The following CSMD1 variants were observed in gnomAD, a reference collection of about 807,000 sequenced individuals.
CSMD1 encodes CUB and sushi domain-containing protein 1.
CSMD1 carries 213 observed loss-of-function variants against 417.5 expected under a neutral mutation model. The ratio of observed to expected loss-of-function variants is 0.51; its 90% CI spans 0.46 to 0.57. The LOEUF is 0.57. CSMD1 is among the 20% of genes least tolerant of loss of function. CSMD1 has a pLI of 0.00. For missense variants in CSMD1, 6,923 were observed against 4,529.7 expected (o/e 1.53, Z -15.17); for synonymous variants, 2,862 against 1,736.8 (o/e 1.65, Z -16.11).
intron 5 of CSMD1, among the ~76,000 whole-genome samples, chr8:3,819,209 C>A (rs987034502): frequency 2.0e-5 from 3 of 152,102 alleles, no homozygotes; most frequent in African/African-American, 7.2e-5. Context: ...CAGGCTAACA[C>A]TATGGACAAC....
chr8:4,461,325 A>C (rs559009467), intron 2 of CSMD1, among the ~76,000 whole-genome samples: 11 of 152,036 alleles, frequency 7.2e-5, no homozygotes, highest in Admixed American at 1.3e-4. Context: ...GCAATAAGAC[A>C]AATTCTATTC....
chr8:3,164,959 G>A (rs1174638700), intron 37 of CSMD1, among the ~76,000 whole-genome samples: 9 of 149,514 alleles, frequency 6.0e-5, no homozygotes, highest in African/African-American at 2.0e-4. Flanking sequence ...TGATCCTCTG[G>A]GGAAAAAAAA....
intron 1 of CSMD1, among the ~76,000 whole-genome samples, 153 bp downstream of exon 1, chr8:4,994,179 C>A (rs1374850235): frequency 6.6e-6 from 1 of 152,060 alleles, no homozygotes; most frequent in Admixed American, 6.5e-5. Flanking sequence ...AGCTCCCTCC[C>A]GTGCATCGCG....
At chr8:3,048,637 A>T (rs759500867) in intron 50 of CSMD1, among the ~76,000 whole-genome samples, 1 of 152,236 alleles carries the variant, frequency 6.6e-6, no homozygotes, top group Admixed American at 6.5e-5. Context: ...CTCCTAGAAG[A>T]TAACATAGGA....
intron 2 of CSMD1, among the ~76,000 whole-genome samples, chr8:4,542,586 G>A (rs574688250): frequency 6.6e-6 from 1 of 152,132 alleles, no homozygotes; most frequent in Non-Finnish European, 1.5e-5. Context: ...TTATGTTATT[G>A]CTAACGCAAT....
Position 3,999,599 on chromosome 8 carries a change from C to T in CSMD1, c.611-1489G>A, listed in dbSNP as rs904645284. On this transcript the variant is annotated intron_variant, in intron 4 of 69. Transcript: ENST00000635120. ...ATGCCAGGGGCATAGGGGTAGTTGACAGCACACGGTTTTTGTTCCCGGAGT... is the reference window on the plus strand; with the variant it reads ...ATGCCAGGGGCATAGGGGTAGTTGATAGCACACGGTTTTTGTTCCCGGAGT... Among the ~76,000 whole-genome samples, 6 of 152,288 alleles carry T rather than the reference C, an allele frequency of 3.9e-5. No individual in the cohort carries two copies. In the South Asian group the frequency reaches 1.0e-3, roughly 26 times the overall value.
At chr8:3,578,325 G>A (rs1209105131) in intron 9 of CSMD1, among the ~76,000 whole-genome samples, 1 of 152,094 alleles carries the variant, frequency 6.6e-6, no homozygotes, top group African/African-American at 2.4e-5. Flanking sequence ...TCCTTGCTCA[G>A]GGAGCTTTGG....
At chr8:4,057,577 C>T (rs1302924507) in intron 3 of CSMD1, among the ~76,000 whole-genome samples, 1 of 151,894 alleles carries the variant, frequency 6.6e-6, no homozygotes, top group African/African-American at 2.4e-5. Context: ...GTTGCCATTG[C>T]TTTTGGTGTT....
At chr8:3,503,321 T>C (rs1038323843) in intron 10 of CSMD1, among the ~76,000 whole-genome samples, 7 of 152,256 alleles carry the variant, frequency 4.6e-5, no homozygotes, top group Non-Finnish European at 2.9e-5. Context: ...AATGCACTGC[T>C]ATGAAGAAGA....
intron 12 of CSMD1, among the ~76,000 whole-genome samples, chr8:3,455,832 C>T (rs1026938834): frequency 2.0e-5 from 3 of 152,232 alleles, no homozygotes; most frequent in Non-Finnish European, 4.4e-5. Context: ...CTACTCTCTT[C>T]AAAGATGTCA....
At chr8:3,877,428 C>A (rs765457586) in intron 5 of CSMD1, among the ~76,000 whole-genome samples, 4 of 152,184 alleles carry the variant, frequency 2.6e-5, no homozygotes, top group South Asian at 2.1e-4. Context: ...CGGAGTCTAG[C>A]GTTCCAGATG....
intron 5 of CSMD1, among the ~76,000 whole-genome samples, chr8:3,993,437 A>T (rs1676451274): frequency 6.6e-6 from 1 of 152,120 alleles, no homozygotes; most frequent in Non-Finnish European, 1.5e-5. Context: ...GCATTAACTG[A>T]CCCATTCAAG....
At chr8:2,970,678 G>C (rs1804384317) in intron 57 of CSMD1, among the ~76,000 whole-genome samples, 1 of 152,116 alleles carries the variant, frequency 6.6e-6, no homozygotes. Flanking sequence ...CCAGAACCAA[G>C]ACTTTGTGAT....
Position 3,107,753 on chromosome 8 carries a change from G to A in CSMD1, c.6800C>T (p.Ala2267Val). 1 of 1,592,896 alleles carries A rather than the reference G, an allele frequency of 6.3e-7. No individual in the cohort carries two copies. Among genetic ancestry groups the A allele is most frequent in the Non-Finnish European group, 8.5e-7 (1 of 1,172,420 alleles). The change falls in exon 45 of 70, where the codon GCA becomes GTA. Residue 2267 changes from alanine (A) to valine (V), a missense_variant. Transcript: ENST00000635120. ...KCQPPPAVPQ[A>V]EMLTEDDDFE... ...ATCATCATCCTCAGTAAGCATTTCTGCCTGTGGAACCGCTGGGGGAGGTTG... is the reference window on the plus strand; with the variant it reads ...ATCATCATCCTCAGTAAGCATTTCTACCTGTGGAACCGCTGGGGGAGGTTG...
chr8:4,692,329 G>A (rs944720907), intron 1 of CSMD1, among the ~76,000 whole-genome samples: 1 of 152,112 alleles, frequency 6.6e-6, no homozygotes, highest in Non-Finnish European at 1.5e-5. Flanking sequence ...AACAAAAAAA[G>A]AATGTATTAA....
intron 3 of CSMD1, among the ~76,000 whole-genome samples, chr8:4,101,026 G>A (rs897615427): frequency 6.6e-6 from 1 of 152,152 alleles, no homozygotes; most frequent in African/African-American, 2.4e-5. Context: ...CACGCAGCCT[G>A]TGATTGCAGA....
intron 26 of CSMD1, among the ~76,000 whole-genome samples, chr8:3,231,654 A>G (rs1459862747): frequency 6.6e-6 from 1 of 152,220 alleles, no homozygotes; most frequent in Non-Finnish European, 1.5e-5. Flanking sequence ...ATGAACAAAT[A>G]ATTCAGGACA....
intron 2 of CSMD1, among the ~76,000 whole-genome samples, chr8:4,592,184 G>C (rs1017019585): frequency 2.0e-5 from 3 of 151,322 alleles, no homozygotes; most frequent in Admixed American, 1.3e-4. Flanking sequence ...TCTCAGGGTA[G>C]ATTTCATGCT....
chr8:4,107,584 G>A (rs367744263), intron 3 of CSMD1, among the ~76,000 whole-genome samples: 13 of 152,312 alleles, frequency 8.5e-5, no homozygotes, highest in African/African-American at 2.6e-4. Context: ...TTATAAGCAA[G>A]CGCTTTGTGA....
Sources: allele counts gnomAD v4.1 joint callset (sites outside exome capture counted in the v4.1 genomes callset), GRCh38; gene constraint gnomAD v4.1.1; transcripts MANE v1.5; gene names NCBI Gene and HGNC (gene_info 2026-07-23, HGNC 2026-07-21).